Variants in ZNF385C observed in about 807,000 individuals in gnomAD.
ZNF385C encodes the protein CTD-2132N18.2.
A neutral mutation model predicts 35.4 loss-of-function variants in ZNF385C; 28 were observed. That is an observed-to-expected ratio of 0.79 (90% confidence interval 0.59 to 1.08). The LOEUF (loss-of-function observed/expected upper bound fraction) is 1.08. Ranked by LOEUF, ZNF385C falls within the 50% of genes least tolerant of loss-of-function variation. The pLI, the probability that ZNF385C is intolerant of heterozygous loss-of-function variation, is 0.00. For missense variants in ZNF385C, 605 were observed against 595.6 expected (o/e 1.02, Z -0.16); for synonymous variants, 248 against 248.2 (o/e 1.00, Z 0.01).
chr17:42,053,713 G>T (rs2053325523), intron 2 of ZNF385C, among the ~76,000 whole-genome samples: 1 of 152,124 alleles, frequency 6.6e-6, no homozygotes, highest in Admixed American at 6.5e-5. Context: ...CTGGCTACTG[G>T]TGTCTCTGAG....
At chr17:42,097,157 A>G (rs2053927510) in intron 1 of ZNF385C, among the ~76,000 whole-genome samples, 1 of 151,996 alleles carries the variant, frequency 6.6e-6, no homozygotes, top group Non-Finnish European at 1.5e-5. Context: ...CAGCCACTCT[A>G]TGAGGTGGGT....
At chr17:42,043,607 G>A in intron 2 of ZNF385C, 1 of 367,840 alleles carries the variant, frequency 2.7e-6, no homozygotes, top group East Asian at 4.0e-5. Context: ...GGTCTGTCAT[G>A]GTAGGGGTGG....
chr17:42,043,791 C>G (rs2053084358), intron 2 of ZNF385C, among the ~76,000 whole-genome samples: 1 of 152,136 alleles, frequency 6.6e-6, no homozygotes, highest in East Asian at 1.9e-4. Context: ...GGGTCTCTTT[C>G]CACCCAGGAC....
At chr17:42,069,798 T>C (rs1405797436) in intron 1 of ZNF385C, among the ~76,000 whole-genome samples, 1 of 152,208 alleles carries the variant, frequency 6.6e-6, no homozygotes, top group Non-Finnish European at 1.5e-5. Flanking sequence ...ATCCCAGCAC[T>C]TTGGGAGGCC....
Position 42,078,043 on chromosome 17 carries a change from C to T in ZNF385C, c.-2-14985G>A, listed in dbSNP as rs376855486. On this transcript the variant is annotated intron_variant, in intron 1 of 8. Coordinates refer to ENST00000692273, the MANE Select transcript of ZNF385C (RefSeq NM_001392013.1). Reference sequence around the variant, plus strand: ...CCAGCCAGGCTCCCCCAGTGGAAACCGGGACAGTTGTCCTTCACAGTGACC... The same window carrying T: ...CCAGCCAGGCTCCCCCAGTGGAAACTGGGACAGTTGTCCTTCACAGTGACC... 3.9e-4 allele frequency among the ~76,000 whole-genome samples: 59 copies of T among 152,316 alleles called. 2 individuals carry two copies. In the South Asian group the frequency reaches 8.7e-3, roughly 22 times the overall value.
intron 2 of ZNF385C, among the ~76,000 whole-genome samples, chr17:42,053,126 C>T (rs2053314581): frequency 6.6e-6 from 1 of 152,214 alleles, no homozygotes; most frequent in Admixed American, 6.5e-5. Context: ...TCATCTAGCA[C>T]TCAGGATGTG....
chr17:42,035,989 T>G (rs1567984961), intron 3 of ZNF385C, among the ~76,000 whole-genome samples: 1 of 151,744 alleles, frequency 6.6e-6, no homozygotes, highest in African/African-American at 2.4e-5. Flanking sequence ...ATTTGGATTT[T>G]TTTTCTTTTC....
chr17:42,079,201 A>AT (rs1446972249), intron 1 of ZNF385C, among the ~76,000 whole-genome samples: 138 of 128,510 alleles, frequency 1.1e-3, no homozygotes, highest in African/African-American at 2.2e-3. Context: ...AAAAAAAAAA[A>AT]AAATATATAT....
rs557862689 is a variant in ZNF385C at position 42,041,348 on chromosome 17, C to T, written c.251-3463G>A. Among the ~76,000 whole-genome samples, 439 of 152,270 alleles carry T rather than the reference C, an allele frequency of 2.9e-3. 2 individuals carry two copies. The highest frequency in any genetic ancestry group is 0.01 in the African/African-American group (421 of 41,546). The stretch of plus-strand genomic sequence containing the variant: ...TGCCACTTACTGGCTGTGCTACCTT[C>T]GGCCAGTCACTTCACCTCTCCGAGC... On this transcript the variant is annotated intron_variant, in intron 2 of 8. Transcript: ENST00000692273.
In ZNF385C at chr17:42,032,076, T is replaced by C. The variant is rs141089474; in HGVS notation, c.511-292A>G. On this transcript the variant is annotated intron_variant, in intron 4 of 8. Coordinates refer to ENST00000692273, the MANE Select transcript of ZNF385C (RefSeq NM_001392013.1). The stretch of plus-strand genomic sequence containing the variant: ...TTGTTGTTGTTTTTGTTTTTTGTTT[T>C]TTGAGATGGAGTCTCGCTCTGTCGC... 8.5e-4 allele frequency among the ~76,000 whole-genome samples: 130 copies of C among 152,332 alleles called. 1 individual carries two copies. The East Asian group carries it at 0.021, about 25-fold the overall frequency.
intron 1 of ZNF385C, among the ~76,000 whole-genome samples, chr17:42,078,480 C>T (rs1186423396): frequency 2.0e-5 from 3 of 151,614 alleles, no homozygotes; most frequent in African/African-American, 2.4e-5. Context: ...AGCAGGGAGG[C>T]GGGGAACCCA....
intron 1 of ZNF385C, among the ~76,000 whole-genome samples, chr17:42,074,542 C>G (rs917437515): frequency 1.3e-5 from 2 of 152,174 alleles, no homozygotes; most frequent in African/African-American, 4.8e-5. Flanking sequence ...CAGGCGCATG[C>G]CACTACGCTA....
At position 42,029,071 on chromosome 17, in the gene ZNF385C, GA is replaced by G. The variant is rs1317915860; in HGVS notation, c.678del (p.Pro227LeufsTer65). The G allele has an allele frequency of 6.5e-7, 1 of 1,548,666 alleles. No homozygotes were observed. Among genetic ancestry groups the G allele is most frequent in the Non-Finnish European group, 8.7e-7 (1 of 1,146,202 alleles). On this transcript the variant is annotated frameshift_variant and splice_region_variant, in exon 6 of 9. Coordinates refer to ENST00000692273, the MANE Select transcript of ZNF385C (RefSeq NM_001392013.1). LOFTEE classifies it high-confidence loss of function. ...GGAGGCCCAAGAGGAGGGGCTGCAG[GA>G]ACTGCTGCAGAGATGGAAGAGTGTG... ...SGAPGEPQSK[V>X]PAAPPLGPPL...
At chr17:42,087,563 A>G (rs1259303903) in intron 1 of ZNF385C, among the ~76,000 whole-genome samples, 2 of 152,212 alleles carry the variant, frequency 1.3e-5, no homozygotes, top group Admixed American at 1.3e-4. Context: ...ACAAAACAAG[A>G]TAAAACACAG....
intron 1 of ZNF385C, among the ~76,000 whole-genome samples, chr17:42,067,443 G>A (rs1393737658): frequency 6.6e-6 from 1 of 152,046 alleles, no homozygotes; most frequent in Non-Finnish European, 1.5e-5. Context: ...GTGGCTGGGC[G>A]GCAGTCCCAC....
intron 1 of ZNF385C, among the ~76,000 whole-genome samples, chr17:42,065,662 C>T (rs540882267): frequency 2.0e-5 from 3 of 152,218 alleles, no homozygotes; most frequent in South Asian, 2.1e-4. Context: ...AGGAGCACAG[C>T]GATAAGGGCA....
chr17:42,085,659 G>A (rs1248287747), intron 1 of ZNF385C, among the ~76,000 whole-genome samples: 1 of 146,646 alleles, frequency 6.8e-6, no homozygotes, highest in Non-Finnish European at 1.5e-5. Context: ...GTGCAGTGGC[G>A]CGATCTCGGC....
chr17:42,027,170 C>T lies in ZNF385C; in HGVS notation c.1276-37G>A, dbSNP rs781814737. 24 of 1,580,314 alleles carry T rather than the reference C, an allele frequency of 1.5e-5. 1 individual carries two copies. In the South Asian group the frequency reaches 2.5e-4, roughly 17 times the overall value. On this transcript the variant is annotated intron_variant, in intron 8 of 8. Coordinates refer to ENST00000692273, the MANE Select transcript of ZNF385C (RefSeq NM_001392013.1). ...AGAAAGGAATGGACACAGTCTCCACCCCAGAAAACCCCACCCCCTCCCTGG... is the reference window on the plus strand; with the variant it reads ...AGAAAGGAATGGACACAGTCTCCACTCCAGAAAACCCCACCCCCTCCCTGG...
intron 4 of ZNF385C, among the ~76,000 whole-genome samples, chr17:42,033,121 C>A (rs2052768667): frequency 6.6e-6 from 1 of 152,128 alleles, no homozygotes; most frequent in Admixed American, 6.6e-5. Flanking sequence ...TCCTCACTTG[C>A]TGCTCCCCGG....
Sources: gnomAD v4.1 joint callset for allele counts (sites outside exome capture counted in the v4.1 genomes callset) on GRCh38, gnomAD v4.1.1 for gene constraint, MANE v1.5 for transcripts, NCBI Gene and HGNC (gene_info 2026-07-23, HGNC 2026-07-21) for gene names.